Variants in RYR1 observed in about 807,000 individuals in gnomAD.
RYR1 encodes the protein central core disease of muscle.
RYR1 carries 342 observed loss-of-function variants against 583.5 expected under a neutral mutation model. That is an observed-to-expected ratio of 0.59 (90% confidence interval 0.54 to 0.64). RYR1 has a LOEUF of 0.64. RYR1 is among the 30% of genes least tolerant of loss of function. RYR1 has a pLI of 0.00. For missense variants in RYR1, 6,032 were observed against 6,917.2 expected (o/e 0.87, Z 4.54); for synonymous variants, 2,791 against 2,822.5 (o/e 0.99, Z 0.35).
At position 38,543,551 on chromosome 19, in the gene RYR1, A is replaced by G. The variant is rs147136339; in HGVS notation, c.11798A>G (p.Tyr3933Cys). Residue 3933 changes from tyrosine to cysteine, a missense_variant, in exon 86 of 106, where the codon TAC (tyrosine) becomes TGC (cysteine). Transcript: ENST00000359596. This position sits in a 1 kb window ranked among gnomAD's most constrained non-coding sequence, Gnocchi z 4.4. ...LRLQESISDFYWYYSGKDVIE... is the reference protein window; with the variant it reads ...LRLQESISDFCWYYSGKDVIE... ...CACCAGGAATCCATCAGCGACTTCT[A>G]CTGGTACTACTCGGGCAAGGATGTC... 1,889 of 1,614,082 alleles carry G rather than the reference A, an allele frequency of 1.2e-3. 3 individuals carry two copies. The highest frequency in any genetic ancestry group is 1.7e-3 in the Middle Eastern group (10 of 6,060).
At chr19:38,527,158 A>C in intron 72 of RYR1, 106 bp downstream of exon 72, 14 of 1,293,104 alleles carry the variant, frequency 1.1e-5, no homozygotes, top group Non-Finnish European at 1.3e-5. Flanking sequence ...GAAAGACCTC[A>C]AAGGTCAGGA....
intron 96 of RYR1, 101 bp downstream of exon 96, chr19:38,573,408 A>C: frequency 4.9e-6 from 7 of 1,434,138 alleles, no homozygotes; most frequent in Non-Finnish European, 6.6e-6. Flanking sequence ...CGGTCCGGGC[A>C]CGGTGGCTCA....
chr19:38,489,733 A>G (rs1969468188), intron 35 of RYR1, among the ~76,000 whole-genome samples: 1 of 152,124 alleles, frequency 6.6e-6, no homozygotes, highest in Admixed American at 6.6e-5. Context: ...GGTTCAAGCA[A>G]TTCTCCTGCC....
chr19:38,489,697 C>G (rs145450505), intron 35 of RYR1, among the ~76,000 whole-genome samples: 2 of 152,132 alleles, frequency 1.3e-5, no homozygotes, highest in Non-Finnish European at 2.9e-5. Flanking sequence ...GGTGCGATCT[C>G]GGCTCACTGT....
At chr19:38,443,882 G>T (rs1250917996) in intron 5 of RYR1, 86 bp downstream of exon 5, 2 of 1,244,422 alleles carry the variant, frequency 1.6e-6, no homozygotes, top group Non-Finnish European at 2.4e-6. Flanking sequence ...GCCAAGGCAA[G>T]CATGAGACTA....
chr19:38,502,788 GGGGCAGGGGC>G lies in RYR1; in HGVS notation c.7835+62_7835+71del, dbSNP rs1568506542. 1.1e-4 allele frequency: 117 copies of G among 1,105,848 alleles called. No individual in the cohort carries two copies. The African/African-American group carries it at 1.5e-3, about 14-fold the overall frequency. 68.5% of individuals were successfully genotyped at this position (1,105,848 alleles called of 1,614,324 possible). On this transcript the variant is annotated intron_variant, in intron 48 of 105. Coordinates refer to ENST00000359596, the MANE Select transcript of RYR1 (RefSeq NM_000540.3). ...AGGGGCAGGGGCAGGGGCAGGGGCA[GGGGCAGGGGC>G]AGGGGCAGGGGGAGGAGCAGGGGCA...
intron 96 of RYR1, among the ~76,000 whole-genome samples, chr19:38,574,873 A>G (rs1599654249): frequency 6.6e-6 from 1 of 151,868 alleles, no homozygotes; most frequent in African/African-American, 2.4e-5. Context: ...CCCTGTCTCT[A>G]CTAAAAATAC....
chr19:38,586,276 G>T, intron 104 of RYR1, 85 bp downstream of exon 104: 1 of 1,319,804 alleles, frequency 7.6e-7, no homozygotes. Flanking sequence ...TGGCCAGTTA[G>T]GAAAGGGGGT....
intron 92 of RYR1, 22 bp downstream of exon 92, chr19:38,567,009 GGGCCTA>G: frequency 6.4e-7 from 1 of 1,569,082 alleles, no homozygotes; most frequent in Non-Finnish European, 8.6e-7. Context: ...TGGGGCTGAG[GGGCCTA>G]GCCCCTATCA....
At chr19:38,439,844 C>T (rs752997535) in intron 1 of RYR1, among the ~76,000 whole-genome samples, 4 of 152,076 alleles carry the variant, frequency 2.6e-5, no homozygotes, top group Non-Finnish European at 5.9e-5. Context: ...GGATCCAGCC[C>T]GGGCTGTCAC....
At chr19:38,452,281 AT>A (rs1481746924) in intron 12 of RYR1, among the ~76,000 whole-genome samples, 5 of 152,188 alleles carry the variant, frequency 3.3e-5, no homozygotes, top group African/African-American at 1.2e-4. Flanking sequence ...TATAAAAAAA[AT>A]AACAAAATAT....
chr19:38,443,543 T>C lies in RYR1; in HGVS notation c.271-15T>C. ...GGGGATCTGTGCTTATTCTGTTCCCTCCCTCCCCCTGCAGTCATCCCAGGG... is the reference window on the plus strand; with the variant it reads ...GGGGATCTGTGCTTATTCTGTTCCCCCCCTCCCCCTGCAGTCATCCCAGGG... On this transcript the variant is annotated splice_polypyrimidine_tract_variant and intron_variant, in intron 3 of 105. Transcript: ENST00000359596. The C allele has an allele frequency of 6.2e-7, 1 of 1,612,364 alleles. No homozygotes were observed. Among genetic ancestry groups the C allele is most frequent in the Non-Finnish European group, 8.5e-7 (1 of 1,178,940 alleles).
In RYR1 at chr19:38,525,573, AG is replaced by A. The variant is rs1971433067; in HGVS notation, c.10626+74del. ...GCACCCACTGAACCCCTGGGACCTTAGGGAACAACCACAATGCCACTGAGCC... is the reference window on the plus strand; with the variant it reads ...GCACCCACTGAACCCCTGGGACCTTAGGAACAACCACAATGCCACTGAGCC... On this transcript the variant is annotated intron_variant, in intron 71 of 105. Transcript: ENST00000359596. 6 of 1,527,904 alleles carry A rather than the reference AG, an allele frequency of 3.9e-6. No individual in the cohort carries two copies. The South Asian group carries it at 6.9e-5, about 18-fold the overall frequency. 94.6% of individuals were successfully genotyped at this position (1,527,904 alleles called of 1,614,324 possible). A position where few individuals can be genotyped will look rare whatever the true frequency, so the allele number is the denominator to read the frequency against.
chr19:38,456,828 C>T (rs973478655), intron 16 of RYR1, among the ~76,000 whole-genome samples: 2 of 151,014 alleles, frequency 1.3e-5, no homozygotes, highest in Admixed American at 6.6e-5. Flanking sequence ...GGGCGGATCA[C>T]GAGGTCAGGA....
chr19:38,546,052 A>G (rs1342007165), intron 87 of RYR1, among the ~76,000 whole-genome samples: 1 of 152,080 alleles, frequency 6.6e-6, no homozygotes, highest in East Asian at 1.9e-4. Flanking sequence ...TATTCAACAT[A>G]CATCTGTCAA....
chr19:38,565,173 C>A lies in RYR1; in HGVS notation c.12839C>A (p.Ala4280Glu). 1 of 1,360,286 alleles carries A rather than the reference C, an allele frequency of 7.4e-7. No individual in the cohort carries two copies. The highest frequency in any genetic ancestry group is 9.5e-7 in the Non-Finnish European group (1 of 1,050,646). 84.3% of individuals were successfully genotyped at this position (1,360,286 alleles called of 1,614,324 possible). ...GCGGAAGGCGCGGAGGAGGGCGCGG[C>A]GGGGCTCGAGGGCACGGCGGCCACG... ...AGAEGAEEGA[A>E]GLEGTAATAA... The change falls in exon 91 of 106, where the codon GCG becomes GAG. Residue 4280 changes from alanine to glutamate, a missense_variant. Ala to Glu is a moderately radical substitution (Grantham distance 107). Transcript: ENST00000359596. The surrounding 1 kb of genome is among the most constrained non-coding windows in gnomAD (Gnocchi z 4.7).
chr19:38,576,794 C>T (rs1047622749), intron 97 of RYR1, among the ~76,000 whole-genome samples: 5 of 151,754 alleles, frequency 3.3e-5, no homozygotes, highest in African/African-American at 1.2e-4. Context: ...AGCGAGACTC[C>T]GTCTCAAAAA....
At chr19:38,538,037 C>T (rs561609829) in intron 84 of RYR1, 77 bp downstream of exon 84, 39 of 1,353,616 alleles carry the variant, frequency 2.9e-5, no homozygotes, top group Admixed American at 2.6e-4. Context: ...AATTAGTTTC[C>T]GCCCCTCCTC....
chr19:38,547,238 A>C (rs1972473218), intron 88 of RYR1, among the ~76,000 whole-genome samples: 1 of 145,650 alleles, frequency 6.9e-6, no homozygotes, highest in Non-Finnish European at 1.5e-5. Flanking sequence ...TTTTTAGTAG[A>C]GACGGGGTTT....
Sources: gnomAD v4.1 joint callset for allele counts (sites outside exome capture counted in the v4.1 genomes callset) on GRCh38, gnomAD v4.1.1 for gene constraint, Gnocchi (gnomAD v3.1) non-coding constraint, MANE v1.5 for transcripts, NCBI Gene and HGNC (gene_info 2026-07-23, HGNC 2026-07-21) for gene names.